Variants in PIK3C2G observed in about 807,000 individuals in gnomAD.
The protein encoded by PIK3C2G is phosphatidylinositol-4-phosphate 3-kinase catalytic subunit type 2 gamma.
In PIK3C2G, 168 loss-of-function variants were observed where a neutral mutation model predicts 181.1. The ratio of observed to expected loss-of-function variants is 0.93; its 90% CI spans 0.82 to 1.05. PIK3C2G has a LOEUF of 1.05. Among genes scored for constraint, PIK3C2G ranks in the 50% least tolerant of loss-of-function variants. The pLI is 0.00. For missense variants in PIK3C2G, 1,869 were observed against 1,732.8 expected, an observed-to-expected ratio of 1.08 and a Z score of -1.40; for synonymous variants, 573 against 592.2, an observed-to-expected ratio of 0.97 and a Z score of 0.47.
In PIK3C2G at chr12:18,343,315, A is replaced by ATT; in HGVS notation, c.1396-5_1396-4dup. The ATT allele has an allele frequency of 1.5e-6, 2 of 1,312,278 alleles. No homozygotes were observed. The highest frequency in any genetic ancestry group is 2.1e-6 in the Non-Finnish European group (2 of 938,786). 81.3% of individuals were successfully genotyped at this position (1,312,278 alleles called of 1,614,324 possible). The stretch of plus-strand genomic sequence containing the variant: ...GTGCGAATAACAAGTATAATTTTAC[A>ATT]TTTTTTTTCAGAATTTTTATCAAAG... On this transcript the variant is annotated splice_polypyrimidine_tract_variant and intron_variant, in intron 9 of 32. Transcript: ENST00000538779.
At position 18,364,427 on chromosome 12, in the gene PIK3C2G, A is replaced by G. The variant is rs112292004; in HGVS notation, c.1748+1541A>G. 3.2e-3 allele frequency among the ~76,000 whole-genome samples: 490 copies of G among 152,180 alleles called. 1 individual carries two copies. Among genetic ancestry groups the G allele is most frequent in the Non-Finnish European group, 5.1e-3 (344 of 68,000 alleles). On this transcript the variant is annotated intron_variant, in intron 12 of 32. Coordinates refer to ENST00000538779, the MANE Select transcript of PIK3C2G (RefSeq NM_001288772.2). ...TTCCCTTGCTTGGTCTAACCTGTAA[A>G]TTTCTCTTACAGTACCTACTGTTTG...
chr12:18,723,414 T>G, the PIK3C2G span: 1 of 1,613,084 alleles, frequency 6.2e-7, no homozygotes, highest in Non-Finnish European at 8.5e-7. Flanking sequence ...GATTACTTGC[T>G]AAAAGAATTT....
rs574861455 is a variant in PIK3C2G at position 18,251,569 on chromosome 12, T to C, written c.-79+3487T>C. ...TCCCACTCTTACTTTTATGAAATTATCTTCACAATGCACCATGGTTTAAAA... is the reference window on the plus strand; with the variant it reads ...TCCCACTCTTACTTTTATGAAATTACCTTCACAATGCACCATGGTTTAAAA... On this transcript the variant is annotated intron_variant, in intron 1 of 11. Coordinates refer to the PIK3C2G transcript ENST00000535651. 5.9e-5 allele frequency among the ~76,000 whole-genome samples: 9 copies of C among 152,146 alleles called. No individual in the cohort carries two copies. In the South Asian group the frequency reaches 1.9e-3, roughly 32 times the overall value.
intron 14 of PIK3C2G, 97 bp downstream of exon 14, chr12:18,381,977 C>T (rs924472644): frequency 1.4e-5 from 11 of 773,458 alleles, no homozygotes; most frequent in Non-Finnish European, 1.8e-5. Context: ...CAGGATCACA[C>T]ATTTTAATAG....
At position 18,597,696 on chromosome 12, in the gene PIK3C2G, G is replaced by C. The variant is rs557093622; in HGVS notation, c.4087+3127G>C. On this transcript the variant is annotated intron_variant, in intron 30 of 32. Coordinates refer to ENST00000538779, the MANE Select transcript of PIK3C2G (RefSeq NM_001288772.2). ...TAAAGGGTATTCAATTAGGAAAAGA[G>C]GAAGTCAAATTGTCCCTGTTTGCAG... 1.2e-4 allele frequency among the ~76,000 whole-genome samples: 18 copies of C among 152,062 alleles called. No homozygotes were observed. In the South Asian group the frequency reaches 3.5e-3, roughly 30 times the overall value.
chr12:18,527,441 A>C (rs1240504693), intron 24 of PIK3C2G, among the ~76,000 whole-genome samples: 2 of 152,278 alleles, frequency 1.3e-5, no homozygotes, highest in East Asian at 3.9e-4. Flanking sequence ...TGGTAACTTT[A>C]TGGGTTATTT....
Position 18,642,919 on chromosome 12 carries a change from C to T in PIK3C2G, c.4308+2365C>T, listed in dbSNP as rs1318814505. ...AAAATATTTTGACACTATTATTTGT[C>T]ATGATGTCAACAGTGAGAAGCATAC... On this transcript the variant is annotated intron_variant, in intron 32 of 32. Transcript: ENST00000538779. 2.0e-5 allele frequency among the ~76,000 whole-genome samples: 3 copies of T among 151,616 alleles called. No homozygotes were observed. The East Asian group carries it at 5.8e-4, about 29-fold the overall frequency.
intron 18 of PIK3C2G, among the ~76,000 whole-genome samples, chr12:18,428,084 CA>C (rs1378049734): frequency 6.6e-6 from 1 of 151,864 alleles, no homozygotes; most frequent in Non-Finnish European, 1.5e-5. Flanking sequence ...GGGGGAGATT[CA>C]AAAGTGCCTA....
chr12:18,667,094 G>A, the PIK3C2G span, among the ~76,000 whole-genome samples: 248 of 152,248 alleles, frequency 1.6e-3, no homozygotes, highest in Non-Finnish European at 2.9e-3. Flanking sequence ...AGAAACACTA[G>A]GCTTAAATGG....
intron 6 of PIK3C2G, among the ~76,000 whole-genome samples, chr12:18,320,749 T>C (rs1173751843): frequency 6.6e-6 from 1 of 152,264 alleles, no homozygotes; most frequent in Non-Finnish European, 1.5e-5. Context: ...TTCAGGTTTA[T>C]TCTCAACAAA....
chr12:18,526,940 AAC>A (rs1367059743), intron 24 of PIK3C2G, among the ~76,000 whole-genome samples: 2 of 152,172 alleles, frequency 1.3e-5, no homozygotes. Flanking sequence ...TATAAGTAAA[AAC>A]AGTTTCTCTG....
intron 31 of PIK3C2G, among the ~76,000 whole-genome samples, chr12:18,611,618 A>C: frequency 6.6e-6 from 1 of 152,170 alleles, no homozygotes; most frequent in Non-Finnish European, 1.5e-5. Context: ...ATGCACCAAA[A>C]TTCTCGTGAC....
chr12:18,665,003 GT>G, the PIK3C2G span, among the ~76,000 whole-genome samples: 1 of 107,576 alleles, frequency 9.3e-6, no homozygotes, highest in Non-Finnish European at 1.7e-5. Context: ...TCTGGGGACT[GT>G]TGTGGGGTGG....
intron 5 of PIK3C2G, among the ~76,000 whole-genome samples, chr12:18,299,290 T>A (rs144802108): frequency 6.6e-6 from 1 of 151,900 alleles, no homozygotes; most frequent in Non-Finnish European, 1.5e-5. Context: ...GGTTTTTCAG[T>A]GTGTGTGGCA....
At chr12:18,414,187 T>A (rs543459804) in intron 16 of PIK3C2G, among the ~76,000 whole-genome samples, 58 of 152,292 alleles carry the variant, frequency 3.8e-4, no homozygotes, top group African/African-American at 1.4e-3. Context: ...AAAGGGCATA[T>A]GATTTGAAGC....
chr12:18,491,982 C>T (rs570909228), intron 20 of PIK3C2G, among the ~76,000 whole-genome samples: 13 of 152,178 alleles, frequency 8.5e-5, no homozygotes, highest in African/African-American at 2.2e-4. Flanking sequence ...TATTTTGATT[C>T]GATTTAAAAT....
intron 18 of PIK3C2G, among the ~76,000 whole-genome samples, chr12:18,435,178 T>C (rs1466284986): frequency 3.3e-5 from 5 of 152,174 alleles, no homozygotes; most frequent in African/African-American, 9.7e-5. Context: ...ATTACTAAGA[T>C]ATCCAACACA....
At chr12:18,326,474 AAAT>A (rs2137507111) in intron 8 of PIK3C2G, among the ~76,000 whole-genome samples, 1 of 152,342 alleles carries the variant, frequency 6.6e-6, no homozygotes, top group South Asian at 2.1e-4. Flanking sequence ...ATATATCTGA[AAAT>A]AATAAATTCT....
chr12:18,251,851 G>T (rs999051999), intron 1 of PIK3C2G, among the ~76,000 whole-genome samples: 12 of 151,948 alleles, frequency 7.9e-5, no homozygotes, highest in African/African-American at 2.4e-4. Flanking sequence ...TTTATCTTAA[G>T]AAGAAAGGAA....
Sources: gnomAD v4.1 joint callset for allele counts (sites outside exome capture counted in the v4.1 genomes callset) on GRCh38, gnomAD v4.1.1 for gene constraint, MANE v1.5 for transcripts, NCBI Gene and HGNC (gene_info 2026-07-23, HGNC 2026-07-21) for gene names.